The following BLK variants were observed in gnomAD, a reference collection of about 807,000 sequenced individuals.
BLK encodes BLK proto-oncogene, Src family tyrosine kinase, also known as tyrosine-protein kinase Blk.
A neutral mutation model predicts 61.8 loss-of-function variants in BLK; 64 were observed. The ratio of observed to expected loss-of-function variants is 1.03; its 90% confidence interval spans 0.85 to 1.27. The LOEUF (loss-of-function observed/expected upper bound fraction) is 1.27. Ranked by LOEUF, BLK falls within the 50% of genes most tolerant of loss-of-function variation. The pLI is 0.00. For missense variants in BLK, 853 were observed against 660.5 expected, an observed-to-expected ratio of 1.29 and a Z score of -3.19; for synonymous variants, 351 against 272.0, an observed-to-expected ratio of 1.29 and a Z score of -2.86.
intron 4 of BLK, 42 bp from the exon 5 acceptor site, chr8:11,548,982 C>T: frequency 6.5e-7 from 1 of 1,544,254 alleles, no homozygotes; most frequent in Non-Finnish European, 8.8e-7. Flanking sequence ...GACGGGCCTA[C>T]AGGGGCCATG....
intron 1 of BLK, among the ~76,000 whole-genome samples, chr8:11,528,409 C>G (rs1005274443): frequency 1.3e-5 from 2 of 152,174 alleles, no homozygotes; most frequent in Admixed American, 6.5e-5. Flanking sequence ...CCAGCAATGA[C>G]CAAGGAGAGC....
chr8:11,548,268 T>G (rs1054879634), intron 4 of BLK, 143 bp downstream of exon 4: 6 of 695,608 alleles, frequency 8.6e-6, no homozygotes, highest in Non-Finnish European at 1.5e-5. Flanking sequence ...CAGCATTTTC[T>G]TGAACTTGGC....
At position 11,556,671 on chromosome 8, in the gene BLK, C is replaced by T. The variant is rs1266676172; in HGVS notation, c.786C>T (p.Asn262=). The T allele has an allele frequency of 1.9e-6, 3 of 1,614,162 alleles. No individual in the cohort carries two copies. The highest frequency in any genetic ancestry group is 2.5e-6 in the Non-Finnish European group (3 of 1,180,020). ...FGEVWMGYYK[N]NMKVAIKTLK... ...CCCCGGGCTCAGGTTACTACAAAAA[C>T]AACATGAAGGTGGCCATTAAGACGC... Residue 262 remains asparagine (N), a synonymous_variant, in exon 9 of 13, where the codon AAC becomes AAT. Coordinates refer to ENST00000259089, the MANE Select transcript of BLK (RefSeq NM_001715.3).
rs550408447 is a variant in BLK at position 11,537,139 on chromosome 8, C to A, written c.-1-6085C>A. Among the ~76,000 whole-genome samples, 12 of 152,290 alleles carry A rather than the reference C, an allele frequency of 7.9e-5. No individual in the cohort carries two copies. In the South Asian group the frequency reaches 2.3e-3, roughly 29 times the overall value. Reference sequence around the variant, plus strand: ...GGAAGCCTCATTTCAGTGGTGTTGTCCTGAGTTGAGACATGAAACATGAAT... The same window carrying A: ...GGAAGCCTCATTTCAGTGGTGTTGTACTGAGTTGAGACATGAAACATGAAT... On this transcript the variant is annotated intron_variant, in intron 1 of 12. Coordinates refer to ENST00000259089, the MANE Select transcript of BLK (RefSeq NM_001715.3).
intron 1 of BLK, among the ~76,000 whole-genome samples, chr8:11,539,716 T>C (rs148975295): frequency 1.3e-5 from 2 of 152,360 alleles, no homozygotes; most frequent in African/African-American, 4.8e-5. Context: ...GGTTTAGCAA[T>C]TTGGATTCAG....
In BLK at chr8:11,554,756, G is replaced by C; in HGVS notation, c.486G>C (p.Leu162=). 1 of 1,613,740 alleles carries C rather than the reference G, an allele frequency of 6.2e-7. No individual in the cohort carries two copies. The highest frequency in any genetic ancestry group is 8.5e-7 in the Non-Finnish European group (1 of 1,180,044). The change falls in exon 7 of 13, where the codon CTG becomes CTC. Residue 162 remains leucine (L), a synonymous_variant. Coordinates refer to ENST00000259089, the MANE Select transcript of BLK (RefSeq NM_001715.3). ...ESETNKGAFS[L]SVKDVTTQGE... The stretch of plus-strand genomic sequence containing the variant: ...TGAACCCTCCAGGTGCCTTCTCCCT[G>C]TCTGTGAAGGATGTCACCACCCAGG...
intron 9 of BLK, among the ~76,000 whole-genome samples, chr8:11,557,651 C>T (rs1003409605): frequency 1.3e-5 from 2 of 152,180 alleles, no homozygotes; most frequent in Admixed American, 6.5e-5. Flanking sequence ...CATGAAACTT[C>T]GAGTCAGAAC....
chr8:11,509,914 C>T (rs933900954), intron 1 of BLK: 3 of 152,240 alleles, frequency 2.0e-5, no homozygotes, highest in East Asian at 1.9e-4. Flanking sequence ...CTTCTCTTTT[C>T]TTTTTCTTTC....
chr8:11,527,402 C>T (rs751754092), intron 1 of BLK, among the ~76,000 whole-genome samples: 3 of 152,132 alleles, frequency 2.0e-5, no homozygotes. Flanking sequence ...TCTGTTCATA[C>T]CCCTTATGCT....
At chr8:11,502,825 C>T (rs896403328) in intron 1 of BLK, among the ~76,000 whole-genome samples, 16 of 151,936 alleles carry the variant, frequency 1.1e-4, no homozygotes, top group Admixed American at 6.6e-4. Flanking sequence ...AGCCTGACAG[C>T]GGAGGCCCAG....
chr8:11,522,856 G>T (rs1482335497), intron 1 of BLK, among the ~76,000 whole-genome samples: 1 of 152,064 alleles, frequency 6.6e-6, no homozygotes, highest in Admixed American at 6.5e-5. Flanking sequence ...TGTCGTAAAT[G>T]TCCAAAATCA....
rs1442575406 is a variant in BLK, at chr8:11,563,917, G to C, written c.1327G>C (p.Glu443Gln). The C allele has an allele frequency of 6.2e-7, 1 of 1,607,216 alleles. No homozygotes were observed. Among genetic ancestry groups the C allele is most frequent in the Non-Finnish European group, 8.5e-7 (1 of 1,178,430 alleles). The part of the protein sequence containing the change: ...RVPYPGMSNP[E>Q]VIRNLERGYR... The stretch of plus-strand genomic sequence containing the variant: ...CTCTGCCGCAGGGATGAGCAACCCC[G>C]AGGTCATCCGCAACCTGGAGCGCGG... The change falls in exon 13 of 13, where the codon GAG becomes CAG. Residue 443 changes from glutamate to glutamine, a missense_variant. Physicochemically the swap from Glu to Gln is conservative, Grantham distance 29. Coordinates refer to ENST00000259089, the MANE Select transcript of BLK (RefSeq NM_001715.3).
Position 11,549,122 on chromosome 8 carries a change from G to T in BLK, c.368G>T (p.Arg123Met), listed in dbSNP as rs758732733. The T allele has an allele frequency of 6.2e-7, 1 of 1,602,376 alleles. No individual in the cohort carries two copies. The highest frequency in any genetic ancestry group is 1.1e-5 in the South Asian group (1 of 88,266). ...CGAGTGGAGAGCCTGGAAATGGAAAGGTAGGTGGGCACGGGAACCCCCCTC... is the reference window on the plus strand; with the variant it reads ...CGAGTGGAGAGCCTGGAAATGGAAATGTAGGTGGGCACGGGAACCCCCCTC... ...VARVESLEME[R>M]WFFRSQGRKE... is the part of the protein sequence containing the mutation. Residue 123 changes from arginine to methionine, a missense_variant and splice_region_variant, in exon 5 of 13, where the codon AGG (arginine) becomes ATG (methionine). Transcript: ENST00000259089.
chr8:11,549,768 G>A (rs1352943166), intron 5 of BLK, among the ~76,000 whole-genome samples: 1 of 152,210 alleles, frequency 6.6e-6, no homozygotes, highest in Admixed American at 6.5e-5. Context: ...GACATACTGG[G>A]GTCCCTGCTC....
At chr8:11,530,709 C>G (rs991410373) in intron 1 of BLK, among the ~76,000 whole-genome samples, 10 of 113,588 alleles carry the variant, frequency 8.8e-5, no homozygotes, top group Non-Finnish European at 1.8e-4. Flanking sequence ...CTCTGAAAAA[C>G]AAAACAAAAA....
chr8:11,559,736 C>T (rs751552217), intron 10 of BLK: 15 of 456,068 alleles, frequency 3.3e-5, no homozygotes, highest in African/African-American at 1.2e-4. Context: ...CCCCATGCCT[C>T]GCCACCCCTC....
intron 1 of BLK, among the ~76,000 whole-genome samples, chr8:11,512,251 A>G (rs1799040448): frequency 1.3e-5 from 2 of 152,214 alleles, no homozygotes; most frequent in Non-Finnish European, 2.9e-5. Flanking sequence ...AACGAAGACT[A>G]GTTCTTCAAG....
intron 9 of BLK, among the ~76,000 whole-genome samples, chr8:11,557,640 G>A (rs964763924): frequency 6.6e-6 from 1 of 152,202 alleles, no homozygotes; most frequent in African/African-American, 2.4e-5. Flanking sequence ...ACAAGAAGGG[G>A]CATGAAACTT....
intron 1 of BLK, among the ~76,000 whole-genome samples, chr8:11,514,497 C>G (rs570664605): frequency 3.9e-5 from 6 of 152,192 alleles, no homozygotes; most frequent in Non-Finnish European, 5.9e-5. Flanking sequence ...AGTGGAGGAC[C>G]CTTCTTGCAC....
Sources: allele counts gnomAD v4.1 joint callset (sites outside exome capture counted in the v4.1 genomes callset), GRCh38; gene constraint gnomAD v4.1.1; transcripts MANE v1.5; gene names NCBI Gene and HGNC (gene_info 2026-07-23, HGNC 2026-07-21).